Variants in MRC1 observed in about 807,000 individuals in gnomAD.
MRC1 encodes the protein macrophage mannose receptor 1.
In MRC1, 62 loss-of-function variants were observed where a neutral mutation model predicts 102.9. The observed-to-expected ratio is 0.60, with a 90% CI of 0.49 to 0.74. The LOEUF is 0.74. MRC1 is among the 30% of genes least tolerant of loss of function. The probability of loss-of-function intolerance (pLI) is 0.00; values close to 1 mark genes in which losing one functional copy is unlikely to be tolerated. For missense variants in MRC1, 1,237 were observed against 862.8 expected (o/e 1.43, Z -5.43); for synonymous variants, 457 against 298.4 (o/e 1.53, Z -5.48).
chr10:17,844,739 C>T (rs1363068638), intron 5 of MRC1, among the ~76,000 whole-genome samples: 2 of 152,174 alleles, frequency 1.3e-5, no homozygotes, highest in African/African-American at 2.4e-5. Context: ...CATTCCTCCC[C>T]CATCTCATAG....
rs1489823057 is a variant in MRC1 at position 17,894,080 on chromosome 10, A to G, written c.3148-130A>G. 19 of 712,708 alleles carry G rather than the reference A, an allele frequency of 2.7e-5. No individual in the cohort carries two copies. The South Asian group carries it at 3.0e-4, about 11-fold the overall frequency. 44.1% of individuals were successfully genotyped at this position (712,708 alleles called of 1,614,324 possible). Reference sequence around the variant, plus strand: ...TAGAAAGTAATGATGGATTGAGCATATCTTAAGTTAGGACAATCTTAAAAT... The same window carrying G: ...TAGAAAGTAATGATGGATTGAGCATGTCTTAAGTTAGGACAATCTTAAAAT... On this transcript the variant is annotated intron_variant, in intron 22 of 29. Transcript: ENST00000569591.
At chr10:17,867,117 CCCTCCCTT>C (rs1233872527) in intron 12 of MRC1, among the ~76,000 whole-genome samples, 6 of 140,182 alleles carry the variant, frequency 4.3e-5, no homozygotes, top group Middle Eastern at 3.6e-3. Flanking sequence ...TACCCCCTTA[CCCTCCCTT>C]CCTCCCTTCC....
chr10:17,821,508 G>A (rs1454200739), intron 1 of MRC1, among the ~76,000 whole-genome samples: 3 of 151,664 alleles, frequency 2.0e-5, no homozygotes, highest in Non-Finnish European at 4.4e-5. Context: ...TAAAGGTTTT[G>A]TTTTTTGTTT....
intron 3 of MRC1, among the ~76,000 whole-genome samples, chr10:17,829,964 T>A (rs1487959630): frequency 6.6e-6 from 1 of 151,548 alleles, no homozygotes; most frequent in Non-Finnish European, 1.5e-5. Context: ...AATTATATAT[T>A]TTTTCCTGTT....
intron 19 of MRC1, 85 bp from the exon 20 acceptor site, chr10:17,880,440 C>G (rs1833497834): frequency 1.3e-6 from 1 of 752,562 alleles, no homozygotes; most frequent in East Asian, 2.6e-5. Flanking sequence ...TTTGAGAATT[C>G]TTGTAAAATA....
intron 22 of MRC1, among the ~76,000 whole-genome samples, chr10:17,891,380 A>G (rs1419786825): frequency 1.3e-5 from 2 of 151,868 alleles, no homozygotes; most frequent in African/African-American, 4.8e-5. Context: ...GTTAGGCAGG[A>G]TGCTCTCGAC....
chr10:17,878,039 A>AT, intron 18 of MRC1, 72 bp downstream of exon 18: 1 of 825,042 alleles, frequency 1.2e-6, no homozygotes, highest in South Asian at 1.4e-5. Flanking sequence ...TTATTTTGAG[A>AT]TTTTTCTTTG....
intron 5 of MRC1, among the ~76,000 whole-genome samples, chr10:17,844,020 G>A (rs1360474588): frequency 1.3e-5 from 2 of 152,162 alleles, no homozygotes; most frequent in Non-Finnish European, 2.9e-5. Context: ...CATGTGAAAT[G>A]TATCAATGCC....
chr10:17,892,910 C>T (rs965388585), intron 22 of MRC1, among the ~76,000 whole-genome samples: 14 of 150,690 alleles, frequency 9.3e-5, no homozygotes, highest in Admixed American at 2.0e-4. Context: ...CTCGGGAGGC[C>T]GAGGCAGAAG....
Position 17,874,491 on chromosome 10 carries a change from T to A in MRC1, c.2387-599T>A, listed in dbSNP as rs1433204346. 2.0e-5 allele frequency among the ~76,000 whole-genome samples: 3 copies of A among 152,162 alleles called. No individual in the cohort carries two copies. The East Asian group carries it at 5.8e-4, about 29-fold the overall frequency. ...ATCTCAAGATCCTAACTTAATCATG[T>A]CTATAAAGTCCCATTTTCCATGTAA... is the stretch of plus-strand genomic sequence containing the variant. On this transcript the variant is annotated intron_variant, in intron 16 of 29. Transcript: ENST00000569591.
intron 10 of MRC1, among the ~76,000 whole-genome samples, chr10:17,861,783 C>T (rs1279057883): frequency 2.0e-5 from 3 of 152,134 alleles, no homozygotes; most frequent in East Asian, 3.9e-4. Context: ...ATGATCCATT[C>T]GACGTTGAAT....
chr10:17,851,670 T>C (rs1838918901), intron 7 of MRC1, among the ~76,000 whole-genome samples: 1 of 152,212 alleles, frequency 6.6e-6, no homozygotes, highest in African/African-American at 2.4e-5. Context: ...TTTTCTTTGA[T>C]CTTCAATTTA....
chr10:17,826,609 T>C (rs1838479850), intron 2 of MRC1, among the ~76,000 whole-genome samples: 1 of 152,236 alleles, frequency 6.6e-6, no homozygotes, highest in Admixed American at 6.5e-5. Context: ...AGTTGTTATC[T>C]CTACAAAGAT....
At position 17,901,992 on chromosome 10, in the gene MRC1, C is replaced by T. The variant is rs1223363671; in HGVS notation, c.3669C>T (p.Pro1223=). The T allele has an allele frequency of 1.3e-6, 1 of 780,700 alleles. No homozygotes were observed. The highest frequency in any genetic ancestry group is 1.3e-5 in the South Asian group (1 of 74,608). 48.4% of individuals were successfully genotyped at this position (780,700 alleles called of 1,614,324 possible). A position where few individuals can be genotyped will look rare whatever the true frequency, so the allele number is the denominator to read the frequency against. The part of the protein sequence containing the change: ...KRSDEIPATE[P]PQLPGRCPES... ...TAACAGAAATCCCTGCTACTGAACC[C>T]CCACAACTGCCTGGCAGATGCCCGG... The change falls in exon 26 of 30, where the codon CCC becomes CCT. Residue 1223 remains proline (P), a synonymous_variant. Coordinates refer to ENST00000569591, the MANE Select transcript of MRC1 (RefSeq NM_002438.4).
At chr10:17,864,988 C>T (rs1285526542) in intron 11 of MRC1, among the ~76,000 whole-genome samples, 1 of 152,136 alleles carries the variant, frequency 6.6e-6, no homozygotes, top group Non-Finnish European at 1.5e-5. Flanking sequence ...TTTTGATTTA[C>T]CCTCCCTAGT....
chr10:17,848,374 C>T (rs898972609), intron 6 of MRC1, among the ~76,000 whole-genome samples: 2 of 152,106 alleles, frequency 1.3e-5, no homozygotes, highest in East Asian at 1.9e-4. Flanking sequence ...ATACTCAATA[C>T]GCTTATATGT....
intron 1 of MRC1, among the ~76,000 whole-genome samples, chr10:17,811,118 C>T (rs1260045606): frequency 2.0e-5 from 3 of 152,190 alleles, no homozygotes; most frequent in Admixed American, 2.0e-4. Flanking sequence ...TATTTTATTT[C>T]ACCCAGTAAC....
chr10:17,823,927 C>T (rs1479686001), intron 2 of MRC1, among the ~76,000 whole-genome samples: 6 of 152,138 alleles, frequency 3.9e-5, no homozygotes, highest in Non-Finnish European at 5.9e-5. Flanking sequence ...GATGAAATCT[C>T]GGCAGATCCC....
At position 17,823,260 on chromosome 10, in the gene MRC1, G is replaced by A. The variant is rs1438085096; in HGVS notation, c.248G>A (p.Trp83Ter). The A allele has an allele frequency of 2.6e-6, 2 of 780,446 alleles. No individual in the cohort carries two copies. Among genetic ancestry groups the A allele is most frequent in the African/African-American group, 3.4e-5 (2 of 59,126 alleles). The allele number at this position is 780,446 out of a possible 1,614,324, so 48.3% of individuals were successfully genotyped here. ...CTGGGAGTGCCATCAAAAACGGACT[G>A]GGTTGCTATCACTCTCTATGCCTGT... ...LCLGVPSKTDWVAITLYACDS... is the reference protein window; with the variant it reads ...LCLGVPSKTD Residue 83 changes from tryptophan to a stop codon, truncating the protein, a stop_gained, in exon 2 of 30, where the codon TGG becomes TAG. Coordinates refer to ENST00000569591, the MANE Select transcript of MRC1 (RefSeq NM_002438.4). LOFTEE classifies it high-confidence loss of function.
Sources: gnomAD v4.1 joint callset for allele counts (sites outside exome capture counted in the v4.1 genomes callset) on GRCh38, gnomAD v4.1.1 for gene constraint, MANE v1.5 for transcripts, NCBI Gene and HGNC (gene_info 2026-07-23, HGNC 2026-07-21) for gene names.